The following MAPK4 variants were observed in gnomAD, a reference collection of about 807,000 sequenced individuals.
MAPK4 encodes mitogen-activated protein kinase 4.
A neutral mutation model predicts 47.7 loss-of-function variants in MAPK4; 22 were observed. The observed-to-expected ratio is 0.46, with a 90% CI of 0.33 to 0.66. MAPK4 has a LOEUF of 0.66. Ranked by LOEUF, MAPK4 falls within the 30% of genes least tolerant of loss-of-function variation. MAPK4 has a pLI of 0.02. For synonymous variants in MAPK4, 390 were observed against 365.7 expected (o/e 1.07, Z -0.76); for missense variants, 736 against 831.7 (o/e 0.88, Z 1.42).
At chr18:50,702,621 A>C (rs1909852809) in intron 2 of MAPK4, among the ~76,000 whole-genome samples, 2 of 151,966 alleles carry the variant, frequency 1.3e-5, no homozygotes, top group Admixed American at 1.3e-4. Context: ...TTTTGTGTTC[A>C]TGATTTTGTA....
intron 1 of MAPK4, among the ~76,000 whole-genome samples, chr18:50,662,540 A>G (rs1907329093): frequency 6.6e-6 from 1 of 152,246 alleles, no homozygotes. Flanking sequence ...GTAATTTGGT[A>G]CATGGGCTTC....
intron 2 of MAPK4, among the ~76,000 whole-genome samples, chr18:50,668,633 G>A (rs545022959): frequency 1.4e-4 from 22 of 152,264 alleles, no homozygotes; most frequent in African/African-American, 4.6e-4. Context: ...CTTTCAACAG[G>A]GGCAGTCTGG....
At chr18:50,574,681 G>T (rs1040607396) in intron 1 of MAPK4, among the ~76,000 whole-genome samples, 5 of 152,150 alleles carry the variant, frequency 3.3e-5, no homozygotes, top group East Asian at 1.9e-4. Context: ...CTCTCAAAAA[G>T]AAAAGGCTGT....
At position 50,724,010 on chromosome 18, in the gene MAPK4, G is replaced by A. The variant is rs533713691; in HGVS notation, c.853+1911G>A. ...AGTCTGTGGAGCAGCTTTGGGGTTGGTACTCGACTTTTTTTCTTTTGCGAC... is the reference window on the plus strand; with the variant it reads ...AGTCTGTGGAGCAGCTTTGGGGTTGATACTCGACTTTTTTTCTTTTGCGAC... On this transcript the variant is annotated intron_variant, in intron 4 of 5. Transcript: ENST00000400384. Among the ~76,000 whole-genome samples, 15 of 152,144 alleles carry A rather than the reference G, an allele frequency of 9.9e-5. No homozygotes were observed. In the South Asian group the frequency reaches 2.5e-3, roughly 25 times the overall value.
intron 1 of MAPK4, among the ~76,000 whole-genome samples, chr18:50,629,194 G>GAGAGCAGAAACC (rs1390467794): frequency 1.3e-5 from 2 of 152,218 alleles, no homozygotes; most frequent in African/African-American, 4.8e-5. Context: ...TAGAAATTCT[G>GAGAGCAGAAACC]AGAGCAGAAA....
intron 1 of MAPK4, among the ~76,000 whole-genome samples, chr18:50,615,778 C>G (rs2042679633): frequency 6.6e-6 from 1 of 152,186 alleles, no homozygotes; most frequent in Non-Finnish European, 1.5e-5. Context: ...TTCAGTTCTG[C>G]TTTTTCAGAA....
chr18:50,572,737 C>T (rs192898304), intron 1 of MAPK4, among the ~76,000 whole-genome samples: 69 of 152,280 alleles, frequency 4.5e-4, no homozygotes, highest in African/African-American at 1.6e-3. Flanking sequence ...CCTTCGTTAA[C>T]CAACAAACAA....
chr18:50,650,525 C>T (rs1196235443), intron 1 of MAPK4, among the ~76,000 whole-genome samples: 2 of 152,202 alleles, frequency 1.3e-5, no homozygotes, highest in Admixed American at 1.3e-4. Flanking sequence ...ACAGAGGCAT[C>T]TTTTGTGGCT....
chr18:50,728,427 G>A (rs780967575), intron 5 of MAPK4, among the ~76,000 whole-genome samples: 1 of 152,202 alleles, frequency 6.6e-6, no homozygotes, highest in East Asian at 1.9e-4. Context: ...CTGCGTCAAT[G>A]CAAGGTGCTA....
chr18:50,701,399 G>T (rs973232394), intron 2 of MAPK4, among the ~76,000 whole-genome samples: 1 of 152,170 alleles, frequency 6.6e-6, no homozygotes, highest in African/African-American at 2.4e-5. Flanking sequence ...TAGCAAATGG[G>T]CTATTGCCAT....
intron 1 of MAPK4, among the ~76,000 whole-genome samples, chr18:50,621,154 G>A (rs2042728414): frequency 6.6e-6 from 1 of 152,138 alleles, no homozygotes; most frequent in Middle Eastern, 3.2e-3. Context: ...CTGAGGCTTA[G>A]AAAGGATTAA....
chr18:50,618,757 A>C (rs1219508450), intron 1 of MAPK4, among the ~76,000 whole-genome samples: 1 of 152,254 alleles, frequency 6.6e-6, no homozygotes, highest in African/African-American at 2.4e-5. Context: ...ATGAGAAAGC[A>C]CTGGCTTCAT....
chr18:50,573,433 G>A (rs985806982), intron 1 of MAPK4, among the ~76,000 whole-genome samples: 2 of 152,102 alleles, frequency 1.3e-5, no homozygotes, highest in Non-Finnish European at 2.9e-5. Context: ...GAACAGTGGC[G>A]GCATTAGATT....
At chr18:50,641,056 C>T (rs2042937019) in intron 1 of MAPK4, among the ~76,000 whole-genome samples, 1 of 152,164 alleles carries the variant, frequency 6.6e-6, no homozygotes, top group South Asian at 2.1e-4. Context: ...TCAGCTGTCA[C>T]CTGGAAAAAA....
At chr18:50,599,277 T>C (rs1321811486) in intron 1 of MAPK4, among the ~76,000 whole-genome samples, 2 of 152,192 alleles carry the variant, frequency 1.3e-5, no homozygotes, top group Admixed American at 6.5e-5. Flanking sequence ...CTCTTACTTC[T>C]CTAATCTGTA....
chr18:50,729,078 C>A, intron 5 of MAPK4, 80 bp from the exon 6 acceptor site: 1 of 1,250,982 alleles, frequency 8.0e-7, no homozygotes, highest in Non-Finnish European at 1.1e-6. Context: ...GAGTGGCAAA[C>A]AGGGATTAGA....
At chr18:50,728,684 C>G (rs1911336088) in intron 5 of MAPK4, among the ~76,000 whole-genome samples, 1 of 152,162 alleles carries the variant, frequency 6.6e-6, no homozygotes, top group African/African-American at 2.4e-5. Context: ...GGTCCAATGC[C>G]CAGCAGCATC....
chr18:50,632,812 G>T (rs1221046121), intron 1 of MAPK4, among the ~76,000 whole-genome samples: 2 of 151,946 alleles, frequency 1.3e-5, no homozygotes, highest in African/African-American at 4.8e-5. Flanking sequence ...TAGAGACAGG[G>T]TTTTACCATG....
chr18:50,715,228 G>T lies in MAPK4; in HGVS notation c.691+5G>T. ...CGGGGAGAATGCTCTTTGCTGGTGAGTTGCTAACTATGCCACCTTCCTTCT... is the reference window on the plus strand; with the variant it reads ...CGGGGAGAATGCTCTTTGCTGGTGATTTGCTAACTATGCCACCTTCCTTCT... On this transcript the variant is annotated splice_donor_5th_base_variant and intron_variant, in intron 3 of 5. Transcript: ENST00000400384. The T allele has an allele frequency of 6.2e-7, 1 of 1,612,542 alleles. No individual in the cohort carries two copies. Among genetic ancestry groups the T allele is most frequent in the Non-Finnish European group, 8.5e-7 (1 of 1,179,434 alleles).
Sources: allele counts gnomAD v4.1 joint callset (sites outside exome capture counted in the v4.1 genomes callset), GRCh38; gene constraint gnomAD v4.1.1; transcripts MANE v1.5; gene names NCBI Gene and HGNC (gene_info 2026-07-23, HGNC 2026-07-21).